RNF40: variants seen among roughly 807,000 people sequenced by gnomAD.
RNF40 encodes the protein ring finger protein 40.
A neutral mutation model predicts 123.3 loss-of-function variants in RNF40; 39 were observed. The ratio of observed to expected loss-of-function variants is 0.32; its 90% confidence interval spans 0.24 to 0.41. The LOEUF is 0.41. Ranked by LOEUF, RNF40 falls within the 10% of genes least tolerant of loss-of-function variation. The pLI, the probability that RNF40 is intolerant of heterozygous loss-of-function variation, is 1.00. For synonymous variants in RNF40, 538 were observed against 526.0 expected, an observed-to-expected ratio of 1.02 and a Z score of -0.31; for missense variants, 1,003 against 1,319.9, an observed-to-expected ratio of 0.76 and a Z score of 3.72.
chr16:30,761,701 C>T (rs1277730110), upstream of RNF40: 15 of 1,533,690 alleles, frequency 9.8e-6, no homozygotes, highest in African/African-American at 1.8e-4. Flanking sequence ...GTTCAAGCTC[C>T]GACTGCACCC....
rs746506483 is a variant in RNF40, at chr16:30,766,535, C to G, written c.1270C>G (p.Leu424Val). Residue 424 changes from leucine to valine, a missense_variant, in exon 10 of 20, where the codon CTG (leucine) becomes GTG (valine). Transcript: ENST00000324685. This position sits in a 1 kb window ranked among gnomAD's most constrained non-coding sequence, Gnocchi z 5.4. ...GCTGCTGGCCACAAAGAACTCCCAC[C>G]TGCGACACATCGAGCACATGGAGGT... Reference protein sequence around the residue: ...GLLLATKNSHLRHIEHMESDE... With the variant: ...GLLLATKNSHVRHIEHMESDE... 7.4e-6 allele frequency: 12 copies of G among 1,611,930 alleles called. No individual in the cohort carries two copies. The Admixed American group carries it at 8.4e-5, about 11-fold the overall frequency.
rs945201301 is a variant in RNF40, at chr16:30,775,789, G to A, written c.*1675G>A. On this transcript the variant is annotated 3_prime_UTR_variant, in exon 20 of 20. Transcript: ENST00000324685. The stretch of plus-strand genomic sequence containing the variant: ...GCGCTGGCGACAGTGCTATGGCCAC[G>A]GCAGGGGCCGCGTGCGTCTCAGCGG... 1 of 152,316 alleles carries A rather than the reference G, an allele frequency of 6.6e-6. No individual in the cohort carries two copies. The highest frequency in any genetic ancestry group is 2.4e-5 in the African/African-American group (1 of 41,472). The allele number at this position is 152,316 out of a possible 1,614,324, so 9.4% of individuals were successfully genotyped here. A position where few individuals can be genotyped will look rare whatever the true frequency, so the allele number is the denominator to read the frequency against.
rs750831989 is a variant in RNF40, at chr16:30,762,324, A to T, written c.-108A>T. ...AGTGACGCCCAGTGACGTCCGGTGAAATCCAAGATGGCGGCGCTAGGCTGA... is the reference window on the plus strand; with the variant it reads ...AGTGACGCCCAGTGACGTCCGGTGATATCCAAGATGGCGGCGCTAGGCTGA... On this transcript the variant is annotated 5_prime_UTR_variant, in exon 1 of 20. Transcript: ENST00000324685. 37 of 511,870 alleles carry T rather than the reference A, an allele frequency of 7.2e-5. No homozygotes were observed. The highest frequency in any genetic ancestry group is 1.0e-4 in the Non-Finnish European group (31 of 296,666). The allele number at this position is 511,870 out of a possible 1,614,324, so 31.7% of individuals were successfully genotyped here.
At position 30,766,566 on chromosome 16, in the gene RNF40, C is replaced by T; in HGVS notation, c.1293+8C>T. 2.5e-6 allele frequency: 4 copies of T among 1,603,994 alleles called. No homozygotes were observed. The highest frequency in any genetic ancestry group is 3.4e-6 in the Non-Finnish European group (4 of 1,173,914). On this transcript the variant is annotated splice_region_variant and intron_variant, in intron 10 of 19. Coordinates refer to ENST00000324685, the MANE Select transcript of RNF40 (RefSeq NM_014771.4). This position sits in a 1 kb window ranked among gnomAD's most constrained non-coding sequence, Gnocchi z 5.4. Reference sequence around the variant, plus strand: ...CACATCGAGCACATGGAGGTATGGCCCTGGAACAGGCGTTAGGGCTGGGCT... The same window carrying T: ...CACATCGAGCACATGGAGGTATGGCTCTGGAACAGGCGTTAGGGCTGGGCT...
At chr16:30,762,724 C>T (rs1266449474) in intron 2 of RNF40, 47 bp downstream of exon 2, 2 of 1,595,486 alleles carry the variant, frequency 1.3e-6, no homozygotes, top group Non-Finnish European at 1.7e-6. Flanking sequence ...AGAGCCCTCC[C>T]TCTGTTCTCT....
At chr16:30,761,675 C>T (rs1307460381), upstream of RNF40, 2 of 1,535,768 alleles carry the variant, frequency 1.3e-6, no homozygotes, top group Non-Finnish European at 1.7e-6. Context: ...CGCTTCCCGC[C>T]GCAGCTCGGA....
intron 17 of RNF40, among the ~76,000 whole-genome samples, chr16:30,770,427 C>T (rs1267957150): frequency 6.6e-6 from 1 of 151,954 alleles, no homozygotes; most frequent in East Asian, 1.9e-4. Flanking sequence ...TTTTTAGCCT[C>T]GTTTTATAAA....
intron 11 of RNF40, 50 bp from the exon 12 acceptor site, chr16:30,767,844 C>CT: frequency 6.2e-7 from 1 of 1,613,578 alleles, no homozygotes; most frequent in East Asian, 2.2e-5. Context: ...GGGTTGGAGT[C>CT]CTAACCCAGG....
chr16:30,764,136 A>ACTG, intron 4 of RNF40, 43 bp from the exon 5 acceptor site: 1 of 1,535,362 alleles, frequency 6.5e-7, no homozygotes, highest in East Asian at 2.4e-5. Context: ...AGTGGTAGTA[A>ACTG]CTGCTGCTCT....
Position 30,766,526 on chromosome 16 carries a change from A to C in RNF40, c.1261A>C (p.Asn421His). 1 of 1,612,628 alleles carries C rather than the reference A, an allele frequency of 6.2e-7. No individual in the cohort carries two copies. The highest frequency in any genetic ancestry group is 8.5e-7 in the Non-Finnish European group (1 of 1,179,488). The change falls in exon 10 of 20, where the codon AAC (asparagine) becomes CAC (histidine). Residue 421 changes from asparagine (N) to histidine (H), a missense_variant. Asn to His is a moderately conservative substitution (Grantham distance 68, BLOSUM62 1). Transcript: ENST00000324685. The surrounding 1 kb of genome is among the most constrained non-coding windows in gnomAD (Gnocchi z 5.4). ...EARGLLLATK[N>H]SHLRHIEHME... is the part of the protein sequence containing the mutation. ...TCGGGGCCTGCTGCTGGCCACAAAG[A>C]ACTCCCACCTGCGACACATCGAGCA...
Position 30,768,347 on chromosome 16 carries a change from C to T in RNF40, c.1796C>T (p.Pro599Leu), listed in dbSNP as rs777258694. 2.5e-6 allele frequency: 4 copies of T among 1,613,070 alleles called. No homozygotes were observed. The highest frequency in any genetic ancestry group is 1.7e-4 in the Middle Eastern group (1 of 6,054). ...FQGITPGAQG[P>L]SSRGREPEAR... is the part of the protein sequence containing the mutation. ...GGTATAACCCCTGGGGCCCAGGGCC[C>T]TTCCTCCCGGGGCCGAGAACCTGAG... Residue 599 changes from proline (P) to leucine (L), a missense_variant, in exon 13 of 20, where the codon CCT (proline) becomes CTT (leucine). Around this residue, in one of 11 missense-constraint regions of RNF40, gnomAD observed 295 missense variants for 331.7 expected, o/e 0.89. Coordinates refer to ENST00000324685, the MANE Select transcript of RNF40 (RefSeq NM_014771.4). The surrounding 1 kb of genome is among the most constrained non-coding windows in gnomAD (Gnocchi z 4.1).
In RNF40 at chr16:30,766,616, G is replaced by A. The variant is rs1466852439; in HGVS notation, c.1293+58G>A. 6 of 1,582,348 alleles carry A rather than the reference G, an allele frequency of 3.8e-6. No individual in the cohort carries two copies. Among genetic ancestry groups the A allele is most frequent in the Non-Finnish European group, 3.4e-6 (4 of 1,162,028 alleles). On this transcript the variant is annotated intron_variant, in intron 10 of 19. Coordinates refer to ENST00000324685, the MANE Select transcript of RNF40 (RefSeq NM_014771.4). The surrounding 1 kb of genome is among the most constrained non-coding windows in gnomAD (Gnocchi z 5.4). The stretch of plus-strand genomic sequence containing the variant: ...TAAGGGCCAAACCGTTAGTGTTGAC[G>A]TGTTTGTGCCTTCCGAGGCCCTGTG...
upstream of RNF40, chr16:30,762,041 C>T (rs980234141): frequency 2.1e-6 from 1 of 480,760 alleles, no homozygotes; most frequent in Non-Finnish European, 3.7e-6. Context: ...CCTGGGCGCC[C>T]TCTCTTCCAG....
chr16:30,768,688 G>A lies in RNF40; in HGVS notation c.2049G>A (p.Gln683=). The A allele has an allele frequency of 1.2e-6, 2 of 1,614,174 alleles. No individual in the cohort carries two copies. Among genetic ancestry groups the A allele is most frequent in the East Asian group, 2.2e-5 (1 of 44,882 alleles). Residue 683 remains glutamine, a synonymous_variant, in exon 14 of 20, where the codon CAG becomes CAA. Coordinates refer to ENST00000324685, the MANE Select transcript of RNF40 (RefSeq NM_014771.4). The surrounding 1 kb of genome is among the most constrained non-coding windows in gnomAD (Gnocchi z 4.1). ...TGTACAAGTCAGCGCCCAAGGAGCA[G>A]CGGGATAAGGTGCAGCTCATGGCAG... The part of the protein sequence containing the change: ...LDMYKSAPKE[Q]RDKVQLMAAE...
chr16:30,768,733 C>G lies in RNF40; in HGVS notation c.2094C>G (p.Ala698=). ...QLMAAERKAK[A]EVDELRSRIR... Reference sequence around the variant, plus strand: ...TGGCAGCGGAACGCAAGGCTAAGGCCGAGGTGAGGGCAGCTGGGGCTTGTG... The same window carrying G: ...TGGCAGCGGAACGCAAGGCTAAGGCGGAGGTGAGGGCAGCTGGGGCTTGTG... Residue 698 remains alanine, a synonymous_variant, in exon 14 of 20, where the codon GCC becomes GCG. Transcript: ENST00000324685. The surrounding 1 kb of genome is among the most constrained non-coding windows in gnomAD (Gnocchi z 4.1). The G allele has an allele frequency of 1.9e-6, 3 of 1,613,882 alleles. No homozygotes were observed. The highest frequency in any genetic ancestry group is 2.5e-6 in the Non-Finnish European group (3 of 1,180,026).
chr16:30,766,372 G>T lies in RNF40; in HGVS notation c.1114-7G>T. On this transcript the variant is annotated splice_region_variant and splice_polypyrimidine_tract_variant and intron_variant, in intron 9 of 19. Transcript: ENST00000324685. The surrounding 1 kb of genome is among the most constrained non-coding windows in gnomAD (Gnocchi z 5.4). Reference sequence around the variant, plus strand: ...TTGCTGATCCCATTTGGGCATCCCTGCCCCAGGTGGCCCTGCGGAGCCTTC... The same window carrying T: ...TTGCTGATCCCATTTGGGCATCCCTTCCCCAGGTGGCCCTGCGGAGCCTTC... 6.2e-7 allele frequency: 1 copy of T among 1,612,406 alleles called. No homozygotes were observed. The highest frequency in any genetic ancestry group is 8.5e-7 in the Non-Finnish European group (1 of 1,178,728).
At position 30,766,258 on chromosome 16, in the gene RNF40, T is replaced by C. The variant is rs376829087; in HGVS notation, c.1089T>C (p.Ala363=). The change falls in exon 9 of 20, where the codon GCT becomes GCC. Residue 363 remains alanine, a synonymous_variant. Coordinates refer to ENST00000324685, the MANE Select transcript of RNF40 (RefSeq NM_014771.4). This position sits in a 1 kb window ranked among gnomAD's most constrained non-coding sequence, Gnocchi z 5.4. ...AACTGCAGGCCGAACTTCAGGGGGCTGTGCGGACCAATGAGCGCCTCAAGG... is the reference window on the plus strand; with the variant it reads ...AACTGCAGGCCGAACTTCAGGGGGCCGTGCGGACCAATGAGCGCCTCAAGG... ...LEKLQAELQG[A]VRTNERLKVA... 1.9e-6 allele frequency: 3 copies of C among 1,614,010 alleles called. No individual in the cohort carries two copies. The highest frequency in any genetic ancestry group is 2.7e-5 in the African/African-American group (2 of 74,940).
At chr16:30,769,742 T>G (rs1357235320) in intron 17 of RNF40, 142 bp downstream of exon 17, 2 of 902,224 alleles carry the variant, frequency 2.2e-6, no homozygotes, top group African/African-American at 1.7e-5. Context: ...AACATTTACA[T>G]GTGCCAGACC....
At chr16:30,773,192 A>G (rs1183769984) in intron 19 of RNF40, among the ~76,000 whole-genome samples, 1 of 152,136 alleles carries the variant, frequency 6.6e-6, no homozygotes, top group East Asian at 1.9e-4. Flanking sequence ...CAGAGGTGGA[A>G]GCCACATATG....
Sources: allele counts gnomAD v4.1 joint callset (sites outside exome capture counted in the v4.1 genomes callset), GRCh38; gene constraint gnomAD v4.1.1; regional missense constraint gnomAD v4.1.1; non-coding constraint Gnocchi (gnomAD v3.1); transcripts MANE v1.5; gene names NCBI Gene and HGNC (gene_info 2026-07-23, HGNC 2026-07-21).